ARPP21: variants seen among roughly 807,000 people sequenced by gnomAD.
ARPP21 encodes the protein cAMP-regulated phosphoprotein 21.
A neutral mutation model predicts 113.2 loss-of-function variants in ARPP21; 69 were observed. That is an observed-to-expected ratio of 0.61 (90% CI 0.50 to 0.74). The LOEUF is 0.74. ARPP21 is among the 30% of genes least tolerant of loss of function. ARPP21 has a pLI of 0.00. For missense variants in ARPP21, 1,070 were observed against 1,037.4 expected (o/e 1.03, Z -0.43); for synonymous variants, 368 against 375.5 (o/e 0.98, Z 0.23).
intron 1 of ARPP21, chr3:35,651,735 G>A (rs940594674): frequency 2.0e-5 from 3 of 151,704 alleles, no homozygotes; most frequent in African/African-American, 4.8e-5. Context: ...ATTTTTTTCT[G>A]GTGATCATAG....
At chr3:35,654,114 A>T (rs1248521014) in intron 1 of ARPP21, among the ~76,000 whole-genome samples, 1 of 152,054 alleles carries the variant, frequency 6.6e-6, no homozygotes, top group Non-Finnish European at 1.5e-5. Context: ...GAACAAACAG[A>T]TGCCTAGGAA....
chr3:35,670,094 G>A (rs973245940), intron 1 of ARPP21, among the ~76,000 whole-genome samples: 1 of 152,158 alleles, frequency 6.6e-6, no homozygotes. Flanking sequence ...AACAGGTAAT[G>A]ATAGCAGGTT....
At chr3:35,677,209 C>T (rs2077725104) in intron 1 of ARPP21, among the ~76,000 whole-genome samples, 1 of 151,762 alleles carries the variant, frequency 6.6e-6, no homozygotes, top group Non-Finnish European at 1.5e-5. Context: ...TAAATTATTG[C>T]CGAAATTTGA....
Position 35,667,662 on chromosome 3 carries a change from A to G in ARPP21, c.-212-12125A>G, listed in dbSNP as rs546212144. 2.6e-4 allele frequency among the ~76,000 whole-genome samples: 40 copies of G among 152,010 alleles called. 2 individuals carry two copies. In the South Asian group the frequency reaches 8.1e-3, roughly 31 times the overall value. ...CTAGATTAAAAGAAGAGAAAAAGAT[A>G]TGTAAGAGTCCTTCTAGTTAATTAA... is the stretch of plus-strand genomic sequence containing the variant. On this transcript the variant is annotated intron_variant, in intron 1 of 20. Coordinates refer to ENST00000684406, the MANE Select transcript of ARPP21 (RefSeq NM_001385562.1).
At chr3:35,695,721 T>C (rs1230184979) in intron 9 of ARPP21, among the ~76,000 whole-genome samples, 1 of 151,584 alleles carries the variant, frequency 6.6e-6, no homozygotes, top group Non-Finnish European at 1.5e-5. Flanking sequence ...GGGGGATACA[T>C]GGCAAGCTGG....
At chr3:35,716,181 C>A (rs185542162) in intron 12 of ARPP21, among the ~76,000 whole-genome samples, 1 of 151,940 alleles carries the variant, frequency 6.6e-6, no homozygotes, top group African/African-American at 2.4e-5. Context: ...GATTTAATTG[C>A]GGATACTCAG....
intron 13 of ARPP21, among the ~76,000 whole-genome samples, chr3:35,719,069 T>C (rs761955719): frequency 2.0e-5 from 3 of 152,150 alleles, no homozygotes; most frequent in Non-Finnish European, 4.4e-5. Flanking sequence ...AGATATCCCA[T>C]TGCTATCATC....
At chr3:35,682,747 C>A in intron 3 of ARPP21, 101 bp from the exon 4 acceptor site, 1 of 1,081,782 alleles carries the variant, frequency 9.2e-7, no homozygotes, top group African/African-American at 1.6e-5. Context: ...CCGGTAGTGA[C>A]ATTTTTCTCT....
chr3:35,732,102 T>C (rs1460867985), intron 15 of ARPP21, among the ~76,000 whole-genome samples: 1 of 152,184 alleles, frequency 6.6e-6, no homozygotes. Flanking sequence ...GCTAATGTCA[T>C]ATATTTGGAA....
chr3:35,772,460 T>C (rs1465153535), intron 19 of ARPP21, among the ~76,000 whole-genome samples: 4 of 152,188 alleles, frequency 2.6e-5, no homozygotes, highest in African/African-American at 9.6e-5. Context: ...AGAGCCTTAC[T>C]ACTCAGTAAA....
chr3:35,762,025 AT>A (rs2095796330), intron 19 of ARPP21, among the ~76,000 whole-genome samples: 1 of 151,280 alleles, frequency 6.6e-6, no homozygotes, highest in Non-Finnish European at 1.5e-5. Context: ...ATAACAAAGA[AT>A]TTTTTCCAAA....
At chr3:35,768,140 T>TGTGTGTG (rs2096058959) in intron 19 of ARPP21, among the ~76,000 whole-genome samples, 1 of 98,680 alleles carries the variant, frequency 1.0e-5, no homozygotes, top group Non-Finnish European at 2.1e-5. Flanking sequence ...GTGTGTGTGT[T>TGTGTGTG]TGCATGATGA....
At chr3:35,706,661 G>T (rs956922023) in intron 9 of ARPP21, among the ~76,000 whole-genome samples, 1 of 152,138 alleles carries the variant, frequency 6.6e-6, no homozygotes, top group African/African-American at 2.4e-5. Flanking sequence ...TTGAATTTAG[G>T]AGTAATAGAG....
intron 14 of ARPP21, among the ~76,000 whole-genome samples, chr3:35,723,304 CA>C (rs937965031): frequency 3.3e-5 from 5 of 152,150 alleles, no homozygotes; most frequent in African/African-American, 1.2e-4. Context: ...AGGTTGTTGA[CA>C]AATTCCTTCT....
intron 7 of ARPP21, 84 bp from the exon 8 acceptor site, chr3:35,689,997 C>A (rs2149614463): frequency 2.8e-6 from 2 of 719,096 alleles, no homozygotes; most frequent in Non-Finnish European, 5.1e-6. Context: ...TTTAAGTAAT[C>A]TTTTCCATAC....
At chr3:35,704,938 T>TC (rs1220693145) in intron 9 of ARPP21, among the ~76,000 whole-genome samples, 5 of 152,080 alleles carry the variant, frequency 3.3e-5, no homozygotes, top group Non-Finnish European at 7.4e-5. Context: ...AATAAGTCAA[T>TC]CTATAACAAA....
intron 1 of ARPP21, among the ~76,000 whole-genome samples, chr3:35,655,065 G>T (rs1210877401): frequency 1.3e-5 from 2 of 151,718 alleles, no homozygotes; most frequent in African/African-American, 4.8e-5. Flanking sequence ...TTTACATTAT[G>T]TACATAAAAC....
At chr3:35,789,625 ATATT>A (rs1340062985) in intron 19 of ARPP21, among the ~76,000 whole-genome samples, 2 of 152,148 alleles carry the variant, frequency 1.3e-5, no homozygotes, top group African/African-American at 4.8e-5. Context: ...GCATAACTGA[ATATT>A]AAAGTTCACA....
chr3:35,793,120 G>T (rs2096779630), intron 20 of ARPP21, among the ~76,000 whole-genome samples: 1 of 152,172 alleles, frequency 6.6e-6, no homozygotes, highest in Non-Finnish European at 1.5e-5. Context: ...ACTGTACCAG[G>T]TGCTTCTGAC....
Sources: gnomAD v4.1 joint callset for allele counts (sites outside exome capture counted in the v4.1 genomes callset) on GRCh38, gnomAD v4.1.1 for gene constraint, MANE v1.5 for transcripts, NCBI Gene and HGNC (gene_info 2026-07-23, HGNC 2026-07-21) for gene names.